Variants in MBNL1 observed in about 807,000 individuals in gnomAD.
MBNL1 encodes the protein muscleblind-like protein 1.
A neutral mutation model predicts 42.2 loss-of-function variants in MBNL1; 8 were observed. The observed-to-expected ratio is 0.19, with a 90% CI of 0.11 to 0.34. MBNL1 has a LOEUF of 0.34. Among genes scored for constraint, MBNL1 ranks in the 10% least tolerant of loss-of-function variants. The probability of loss-of-function intolerance (pLI) is 1.00; values close to 1 mark genes in which losing one functional copy is unlikely to be tolerated. For synonymous variants in MBNL1, 169 were observed against 173.9 expected (o/e 0.97, Z 0.22); for missense variants, 309 against 495.3 (o/e 0.62, Z 3.57).
chr3:152,377,527 T>C (rs1023227498), intron 2 of MBNL1, among the ~76,000 whole-genome samples: 3 of 152,234 alleles, frequency 2.0e-5, no homozygotes, highest in African/African-American at 7.2e-5. Context: ...TAGGGTCTAA[T>C]ACATGTGAAG....
At chr3:152,414,488 A>T (rs370272529) in intron 2 of MBNL1, among the ~76,000 whole-genome samples, 6 of 152,170 alleles carry the variant, frequency 3.9e-5, no homozygotes, top group Non-Finnish European at 8.8e-5. Flanking sequence ...TTTACTGAAG[A>T]TACAATGTGC....
chr3:152,433,091 T>C (rs2099027551), intron 4 of MBNL1, among the ~76,000 whole-genome samples, 171 bp downstream of exon 4: 1 of 152,224 alleles, frequency 6.6e-6, no homozygotes, highest in South Asian at 2.1e-4. Context: ...ATTTGATTAA[T>C]GTAACGTTTA....
At chr3:152,381,212 A>G (rs2097166889) in intron 2 of MBNL1, among the ~76,000 whole-genome samples, 1 of 152,066 alleles carries the variant, frequency 6.6e-6, no homozygotes, top group Non-Finnish European at 1.5e-5. Flanking sequence ...TTGTAATATG[A>G]ACACATCTGG....
chr3:152,269,473 G>C, intron 1 of MBNL1: 1 of 453,298 alleles, frequency 2.2e-6, no homozygotes, highest in Non-Finnish European at 4.4e-6. Flanking sequence ...CCTCTGAGTC[G>C]AGCGGCGCGC....
intron 2 of MBNL1, among the ~76,000 whole-genome samples, chr3:152,248,680 A>G (rs1488043350): frequency 6.6e-6 from 1 of 151,990 alleles, no homozygotes; most frequent in African/African-American, 2.4e-5. Flanking sequence ...GGTTAGGTAC[A>G]TATGTATACA....
intron 4 of MBNL1, among the ~76,000 whole-genome samples, chr3:152,444,069 G>T (rs966160200): frequency 6.6e-6 from 1 of 152,138 alleles, no homozygotes; most frequent in Admixed American, 6.5e-5. Flanking sequence ...TCGTAGTAGG[G>T]TTACAGTTTT....
Position 152,456,665 on chromosome 3 carries a change from G to A in MBNL1, c.1092+304G>A, listed in dbSNP as rs554335602. Among the ~76,000 whole-genome samples the A allele has an allele frequency of 4.9e-4, 75 of 152,272 alleles. 1 individual carries two copies. Among genetic ancestry groups the A allele is most frequent in the African/African-American group, 1.7e-3 (71 of 41,536 alleles). Reference sequence around the variant, plus strand: ...AATTCTCAATTGGTTTCAACCAATCGTGCAGGTATTTTGACCAATCAAAAA... The same window carrying A: ...AATTCTCAATTGGTTTCAACCAATCATGCAGGTATTTTGACCAATCAAAAA... On this transcript the variant is annotated intron_variant, in intron 8 of 9. Coordinates refer to ENST00000324210, the MANE Select transcript of MBNL1 (RefSeq NM_021038.5).
chr3:152,342,553 AACACACACACACACACACAC>A (rs111644138), intron 2 of MBNL1, among the ~76,000 whole-genome samples: 105 of 146,110 alleles, frequency 7.2e-4, no homozygotes, highest in Non-Finnish European at 1.3e-3. Context: ...AACTAAACAA[AACACACACACACACACACAC>A]ACACACACAC....
At chr3:152,348,499 A>G (rs938795821) in intron 2 of MBNL1, among the ~76,000 whole-genome samples, 1 of 152,164 alleles carries the variant, frequency 6.6e-6, no homozygotes, top group Admixed American at 6.6e-5. Flanking sequence ...CTCTTGTGGT[A>G]ATAGGCAGTT....
At chr3:152,255,109 A>G (rs1268732698) in intron 2 of MBNL1, among the ~76,000 whole-genome samples, 1 of 152,144 alleles carries the variant, frequency 6.6e-6, no homozygotes, top group Non-Finnish European at 1.5e-5. Flanking sequence ...TGGAGTAAAT[A>G]TTAAAAGAAA....
At chr3:152,317,954 A>T (rs970249057) in intron 2 of MBNL1, among the ~76,000 whole-genome samples, 7 of 152,242 alleles carry the variant, frequency 4.6e-5, no homozygotes, top group Non-Finnish European at 7.3e-5. Flanking sequence ...AGATTAGCCT[A>T]TGTGAATATA....
chr3:152,446,488 C>A (rs1039937095), intron 5 of MBNL1, among the ~76,000 whole-genome samples: 1 of 151,940 alleles, frequency 6.6e-6, no homozygotes, highest in East Asian at 1.9e-4. Flanking sequence ...AGGAGTTATC[C>A]TCCCAATAAC....
At chr3:152,459,142 C>T (rs892794987) in intron 8 of MBNL1, 129 bp from the exon 9 acceptor site, 16 of 468,946 alleles carry the variant, frequency 3.4e-5, no homozygotes, top group Non-Finnish European at 6.1e-5. Context: ...GTTATGTTGA[C>T]CAGATAAGGA....
intron 2 of MBNL1, among the ~76,000 whole-genome samples, chr3:152,329,694 A>ATT (rs201198990): frequency 0.049 from 7,136 of 145,768 alleles, 264 homozygotes; most frequent in Non-Finnish European, 0.079. Flanking sequence ...TATCTTATAT[A>ATT]TTATATATAT....
chr3:152,278,240 T>G (rs967288268), intron 1 of MBNL1, among the ~76,000 whole-genome samples: 1 of 152,244 alleles, frequency 6.6e-6, no homozygotes, highest in South Asian at 2.1e-4. Flanking sequence ...TTCATTGCTG[T>G]AACATTCAGG....
intron 2 of MBNL1, among the ~76,000 whole-genome samples, chr3:152,404,579 T>C (rs77474048): frequency 0.04 from 6,066 of 152,058 alleles, 404 homozygotes; most frequent in African/African-American, 0.14. Context: ...CCTCTCTGAT[T>C]TCCTTTAGTT....
chr3:152,443,486 A>ACACACACACG (rs1249711603), intron 4 of MBNL1, among the ~76,000 whole-genome samples: 16 of 14,308 alleles, frequency 1.1e-3, no homozygotes, highest in African/African-American at 7.5e-3. Flanking sequence ...TATTTAGCAT[A>ACACACACACG]CACACACACA....
intron 2 of MBNL1, chr3:152,338,491 G>A: frequency 2.0e-6 from 2 of 985,356 alleles, no homozygotes; most frequent in Non-Finnish European, 2.4e-6. Flanking sequence ...CCAAGCTTTG[G>A]CTGTGGCTCA....
chr3:152,393,920 A>T (rs1369366704), intron 2 of MBNL1, among the ~76,000 whole-genome samples: 2 of 152,146 alleles, frequency 1.3e-5, no homozygotes, highest in Non-Finnish European at 2.9e-5. Flanking sequence ...AATTATTTTA[A>T]ATAATTTTTT....
Sources: gnomAD v4.1 joint callset for allele counts (sites outside exome capture counted in the v4.1 genomes callset) on GRCh38, gnomAD v4.1.1 for gene constraint, MANE v1.5 for transcripts, NCBI Gene and HGNC (gene_info 2026-07-23, HGNC 2026-07-21) for gene names.